Variants in RELCH observed in about 807,000 individuals in gnomAD.
RELCH encodes the protein RAB11-binding protein RELCH.
Under a neutral mutation model 150.3 loss-of-function variants are expected in RELCH, and 41 were observed. The observed-to-expected ratio is 0.27, with a 90% CI of 0.21 to 0.35. The LOEUF (loss-of-function observed/expected upper bound fraction) is 0.35. Among genes scored for constraint, RELCH ranks in the 10% least tolerant of loss-of-function variants. RELCH has a pLI of 1.00. For synonymous variants in RELCH, 478 were observed against 531.8 expected (o/e 0.90, Z 1.39); for missense variants, 1,092 against 1,467.8 (o/e 0.74, Z 4.18).
At chr18:62,282,898 T>C (rs1300084329) in intron 25 of RELCH, among the ~76,000 whole-genome samples, 1 of 152,206 alleles carries the variant, frequency 6.6e-6, no homozygotes, top group Non-Finnish European at 1.5e-5. Context: ...TCTCAGGTGA[T>C]CTGCCTGCCT....
In RELCH at chr18:62,308,809, G is replaced by A. The variant is rs1482136532; in HGVS notation, c.*3275G>A. 1 of 152,050 alleles carries A rather than the reference G, an allele frequency of 6.6e-6. No homozygotes were observed. The highest frequency in any genetic ancestry group is 2.4e-5 in the African/African-American group (1 of 41,414). The allele number at this position is 152,050 out of a possible 1,614,324, so 9.4% of individuals were successfully genotyped here. On this transcript the variant is annotated 3_prime_UTR_variant, in exon 29 of 29. Transcript: ENST00000644646. ...CCAGGTAACAAAATTCAACCTTCAA[G>A]GTTGGATGTTAATTCTCTTACAAGA...
chr18:62,263,074 C>G (rs1281134515), intron 16 of RELCH, among the ~76,000 whole-genome samples: 1 of 151,960 alleles, frequency 6.6e-6, no homozygotes, highest in Non-Finnish European at 1.5e-5. Flanking sequence ...ATAAGGACAT[C>G]GGTTGTGTTG....
In RELCH at chr18:62,308,099, G is replaced by A. The variant is rs959498996; in HGVS notation, c.*2565G>A. 6.6e-6 allele frequency: 1 copy of A among 152,086 alleles called. No individual in the cohort carries two copies. Among genetic ancestry groups the A allele is most frequent in the African/African-American group, 2.4e-5 (1 of 41,414 alleles). 9.4% of individuals were successfully genotyped at this position (152,086 alleles called of 1,614,324 possible). On this transcript the variant is annotated 3_prime_UTR_variant, in exon 29 of 29. Transcript: ENST00000644646. ...CTACTATACACTATAATTCTAATGG[G>A]GGTCTCAAGTCAAGGTGCTATCACA...
chr18:62,296,254 G>A (rs1291614743), intron 27 of RELCH, among the ~76,000 whole-genome samples: 3 of 152,020 alleles, frequency 2.0e-5, no homozygotes, highest in Non-Finnish European at 4.4e-5. Context: ...GTTTTTTTGT[G>A]ACCTGCTTGT....
chr18:62,247,438 C>T (rs2042473395), intron 11 of RELCH: 1 of 150,246 alleles, frequency 6.7e-6, no homozygotes, highest in Non-Finnish European at 1.5e-5. Flanking sequence ...GGAGAGCTAG[C>T]AGAATGAAAA....
chr18:62,285,679 C>T (rs922171883), intron 25 of RELCH: 1 of 152,226 alleles, frequency 6.6e-6, no homozygotes, highest in African/African-American at 2.4e-5. Context: ...CACTTGAGTC[C>T]AAGTGTTTGA....
At chr18:62,220,871 C>A in intron 2 of RELCH, 166 bp from the exon 3 acceptor site, 1 of 645,890 alleles carries the variant, frequency 1.5e-6, no homozygotes, top group Non-Finnish European at 2.7e-6. Context: ...GCTTGCAAAT[C>A]AACTCTGCTG....
chr18:62,214,362 C>T (rs1459165487), intron 2 of RELCH, among the ~76,000 whole-genome samples: 1 of 152,116 alleles, frequency 6.6e-6, no homozygotes, highest in African/African-American at 2.4e-5. Context: ...CTTGAAAAGC[C>T]TATCAAAAGG....
chr18:62,298,005 C>A (rs899940099), intron 27 of RELCH, among the ~76,000 whole-genome samples: 1 of 152,190 alleles, frequency 6.6e-6, no homozygotes, highest in Admixed American at 6.5e-5. Flanking sequence ...TAATACACTA[C>A]ATAATTTACC....
intron 9 of RELCH, among the ~76,000 whole-genome samples, chr18:62,231,852 G>A (rs915736934): frequency 6.6e-6 from 1 of 152,008 alleles, no homozygotes; most frequent in Non-Finnish European, 1.5e-5. Flanking sequence ...CACAGAGCTA[G>A]ATAGAGGATG....
At chr18:62,252,609 G>C in intron 11 of RELCH, 55 bp from the exon 12 acceptor site, 1 of 1,296,646 alleles carries the variant, frequency 7.7e-7, no homozygotes, top group Non-Finnish European at 1.1e-6. Flanking sequence ...TTAACCCTTA[G>C]TCCTAGTTGT....
In RELCH at chr18:62,277,603, A is replaced by T. The variant is rs139540426; in HGVS notation, c.2967+2130A>T. 7.8e-3 allele frequency: 7,040 copies of T among 906,786 alleles called. 55 individuals are homozygous for T. The highest frequency in any genetic ancestry group is 0.036 in the Middle Eastern group (63 of 1,750). The allele number at this position is 906,786 out of a possible 1,614,324, so 56.2% of individuals were successfully genotyped here. ...TAAAAGGTAAGACCAGAAAGAAAAG[A>T]AAATGAGAAATGAGAAGAAAATGAG... On this transcript the variant is annotated intron_variant, in intron 22 of 28. Transcript: ENST00000644646.
intron 1 of RELCH, among the ~76,000 whole-genome samples, chr18:62,206,065 TTTTTTGTTTG>T (rs1485199578): frequency 2.6e-5 from 4 of 152,078 alleles, no homozygotes; most frequent in South Asian, 2.1e-4. Flanking sequence ...GATAGCAAGT[TTTTTTGTTTG>T]TTTTTGTTTG....
chr18:62,227,760 T>C (rs550151174), intron 7 of RELCH, 71 bp downstream of exon 7: 15 of 669,380 alleles, frequency 2.2e-5, no homozygotes, highest in South Asian at 1.6e-4. Context: ...TATGCAAATA[T>C]ATGAAACAAT....
chr18:62,224,096 C>T (rs1168851339), intron 5 of RELCH, among the ~76,000 whole-genome samples: 1 of 152,066 alleles, frequency 6.6e-6, no homozygotes, highest in Non-Finnish European at 1.5e-5. Flanking sequence ...TTAGGCATTT[C>T]TCCTAACGCT....
Position 62,187,721 on chromosome 18 carries a change from TG to T in RELCH, c.220del (p.Glu74ArgfsTer35). ...LGSSARPGLP[G>X]EASAAAVALG... is the part of the protein sequence containing the mutation. ...GAAGCAGTGCGCGGCCAGGGCTCCC[TG>T]GGGAGGCGTCGGCGGCTGCAGTGGC... On this transcript the variant is annotated frameshift_variant, in exon 1 of 29. Transcript: ENST00000644646. LOFTEE classifies it high-confidence loss of function. 1 of 1,607,830 alleles carries T rather than the reference TG, an allele frequency of 6.2e-7. No individual in the cohort carries two copies. Among genetic ancestry groups the T allele is most frequent in the Non-Finnish European group, 8.5e-7 (1 of 1,175,712 alleles).
chr18:62,188,152 T>TG (rs1357088969), intron 1 of RELCH, 121 bp downstream of exon 1: 10 of 1,162,298 alleles, frequency 8.6e-6, no homozygotes, highest in African/African-American at 7.7e-5. Flanking sequence ...ACGAGAGTAT[T>TG]GGGGTGGGGG....
At chr18:62,191,407 T>G (rs1404396690) in intron 1 of RELCH, among the ~76,000 whole-genome samples, 1 of 152,222 alleles carries the variant, frequency 6.6e-6, no homozygotes, top group African/African-American at 2.4e-5. Flanking sequence ...GAAATGCCTA[T>G]TCAATCTTTT....
intron 16 of RELCH, among the ~76,000 whole-genome samples, chr18:62,262,876 G>C (rs1344774304): frequency 1.7e-5 from 1 of 57,292 alleles, no homozygotes; most frequent in African/African-American, 9.6e-5. Context: ...TGAGATCAAG[G>C]TGTTGGCAGG....
Sources: allele counts gnomAD v4.1 joint callset (sites outside exome capture counted in the v4.1 genomes callset), GRCh38; gene constraint gnomAD v4.1.1; transcripts MANE v1.5; gene names NCBI Gene and HGNC (gene_info 2026-07-23, HGNC 2026-07-21).